UFC1: variants seen among roughly 807,000 people sequenced by gnomAD.
UFC1 encodes ubiquitin-fold modifier conjugating enzyme 1.
In UFC1, 22 loss-of-function variants were observed where a neutral mutation model predicts 28.0. That is an observed-to-expected ratio of 0.78 (90% CI 0.56 to 1.12). UFC1 has a LOEUF of 1.12. Ranked by LOEUF, UFC1 falls within the 50% of genes most tolerant of loss-of-function variation. The pLI, the probability that UFC1 is intolerant of heterozygous loss-of-function variation, is 0.00. For missense variants in UFC1, 189 were observed against 207.8 expected (o/e 0.91, Z 0.56); for synonymous variants, 61 against 74.5 (o/e 0.82, Z 0.93).
chr1:161,154,177 T>A, intron 1 of UFC1, 57 bp downstream of exon 1: 3 of 1,602,426 alleles, frequency 1.9e-6, no homozygotes, highest in Non-Finnish European at 2.6e-6. Flanking sequence ...AAATCAGGTG[T>A]CCTCAATAAT....
intron 1 of UFC1, among the ~76,000 whole-genome samples, chr1:161,156,580 G>T (rs957605201): frequency 6.8e-6 from 1 of 146,690 alleles, no homozygotes; most frequent in East Asian, 2.0e-4. Context: ...AGTGGCTCAC[G>T]CCTGTAATCC....
chr1:161,156,671 G>A (rs373604626), intron 1 of UFC1, among the ~76,000 whole-genome samples: 2 of 150,762 alleles, frequency 1.3e-5, no homozygotes, highest in African/African-American at 4.9e-5. Context: ...GCAAAACCCC[G>A]TCTCTACTAA....
Position 161,158,552 on chromosome 1 carries a change from T to C in UFC1, c.*60T>C. 1 of 1,576,198 alleles carries C rather than the reference T, an allele frequency of 6.3e-7. No homozygotes were observed. Among genetic ancestry groups the C allele is most frequent in the Non-Finnish European group, 8.7e-7 (1 of 1,146,204 alleles). ...TTGATAGGCTACGATACTATTTTCC[T>C]GTGCATCACACTTAACTCATCTAAC... On this transcript the variant is annotated 3_prime_UTR_variant, in exon 6 of 6. Coordinates refer to ENST00000368003, the MANE Select transcript of UFC1 (RefSeq NM_016406.4).
chr1:161,157,826 G>A (rs1657580135), intron 4 of UFC1, 133 bp downstream of exon 4: 1 of 759,798 alleles, frequency 1.3e-6, no homozygotes, highest in Non-Finnish European at 2.3e-6. Flanking sequence ...TGATCTATGT[G>A]TAAATCACCA....
Position 161,154,070 on chromosome 1 carries a change from C to G in UFC1, c.73C>G (p.Arg25Gly). Reference sequence around the variant, plus strand: ...GAAGACTAACGCCGGACCCCGAGATCGTGAGTTGTGGGTGCAGCGACTGAA... The same window carrying G: ...GAAGACTAACGCCGGACCCCGAGATGGTGAGTTGTGGGTGCAGCGACTGAA... Reference protein sequence around the residue: ...VLKTNAGPRDRELWVQRLKEE... With the variant: ...VLKTNAGPRDGELWVQRLKEE... The change falls in exon 1 of 6, where the codon CGT becomes GGT. Residue 25 changes from arginine (R) to glycine (G), a missense_variant. Physicochemically the swap from Arg to Gly is moderately radical, Grantham distance 125. Coordinates refer to ENST00000368003, the MANE Select transcript of UFC1 (RefSeq NM_016406.4). The G allele has an allele frequency of 1.2e-6, 2 of 1,614,038 alleles. No individual in the cohort carries two copies. Among genetic ancestry groups the G allele is most frequent in the Admixed American group, 3.3e-5 (2 of 59,986 alleles).
intron 1 of UFC1, among the ~76,000 whole-genome samples, chr1:161,155,780 A>C (rs1293160375): frequency 6.6e-6 from 1 of 152,240 alleles, no homozygotes. Context: ...GAATGCTCAT[A>C]CTGCCACCTG....
In UFC1 at chr1:161,157,606, A is replaced by C; in HGVS notation, c.256-11A>C. The C allele has an allele frequency of 6.2e-7, 1 of 1,611,328 alleles. No homozygotes were observed. Among genetic ancestry groups the C allele is most frequent in the Non-Finnish European group, 8.5e-7 (1 of 1,177,634 alleles). On this transcript the variant is annotated splice_polypyrimidine_tract_variant and intron_variant, in intron 3 of 5. Coordinates refer to ENST00000368003, the MANE Select transcript of UFC1 (RefSeq NM_016406.4). ...TGATTCTGTTTTATTAAGGTTTTATAATTTCTCCAGATTCCTATCACATAT... is the reference window on the plus strand; with the variant it reads ...TGATTCTGTTTTATTAAGGTTTTATCATTTCTCCAGATTCCTATCACATAT...
At chr1:161,157,214 A>G in intron 2 of UFC1, 40 bp from the exon 3 acceptor site, 1 of 1,613,512 alleles carries the variant, frequency 6.2e-7, no homozygotes. Flanking sequence ...GAGTACTGGA[A>G]GAATAGGCAA....
At chr1:161,157,764 G>A (rs1398286124) in intron 4 of UFC1, 71 bp downstream of exon 4, 11 of 1,301,996 alleles carry the variant, frequency 8.4e-6, no homozygotes, top group African/African-American at 3.0e-5. Context: ...GGGAGGGAGA[G>A]CATCAGGAAG....
At position 161,156,979 on chromosome 1, in the gene UFC1, C is replaced by A. The variant is rs142789001; in HGVS notation, c.153C>A (p.Asn51Lys). Residue 51 changes from asparagine to lysine, a missense_variant, in exon 2 of 6, where the codon AAC becomes AAA. Coordinates refer to ENST00000368003, the MANE Select transcript of UFC1 (RefSeq NM_016406.4). ...RYVENNKNADNDWFRLESNKE... is the reference protein window; with the variant it reads ...RYVENNKNADKDWFRLESNKE... ...TGGAGAACAACAAGAATGCTGACAACGATTGGTTCCGACTGGAGTCCAACA... is the reference window on the plus strand; with the variant it reads ...TGGAGAACAACAAGAATGCTGACAAAGATTGGTTCCGACTGGAGTCCAACA... 1 of 1,614,228 alleles carries A rather than the reference C, an allele frequency of 6.2e-7. No individual in the cohort carries two copies. Among genetic ancestry groups the A allele is most frequent in the Middle Eastern group, 1.6e-4 (1 of 6,062 alleles).
chr1:161,156,799 G>C, intron 1 of UFC1, 151 bp from the exon 2 acceptor site: 1 of 627,326 alleles, frequency 1.6e-6, no homozygotes. Flanking sequence ...CCCAGATTGC[G>C]CCACTGCACT....
chr1:161,158,292 AG>A, intron 5 of UFC1, 81 bp downstream of exon 5: 4 of 1,573,058 alleles, frequency 2.5e-6, no homozygotes, highest in Non-Finnish European at 3.5e-6. Context: ...TAAGAATAAA[AG>A]GAATAACAGT....
In UFC1 at chr1:161,158,748, A is replaced by G; in HGVS notation, c.*256A>G. The G allele has an allele frequency of 4.1e-6, 2 of 491,700 alleles. No homozygotes were observed. The highest frequency in any genetic ancestry group is 4.5e-5 in the South Asian group (2 of 44,544). The allele number at this position is 491,700 out of a possible 1,614,324, so 30.5% of individuals were successfully genotyped here. ...CTAGAGGTAATTTATATCCGCCCCC[A>G]GGTGGAGCAACATGCGATTCTGGAG... is the stretch of plus-strand genomic sequence containing the variant. On this transcript the variant is annotated 3_prime_UTR_variant, in exon 6 of 6. Transcript: ENST00000368003.
At chr1:161,157,449 C>T (rs1277827765) in intron 3 of UFC1, 132 bp downstream of exon 3, 1 of 1,342,874 alleles carries the variant, frequency 7.4e-7, no homozygotes, top group Non-Finnish European at 1.1e-6. Context: ...AGGTTTGAGG[C>T]AAGCATAAGT....
Position 161,158,499 on chromosome 1 carries a change from A to C in UFC1, c.*7A>C. The C allele has an allele frequency of 6.2e-7, 1 of 1,614,202 alleles. No homozygotes were observed. The highest frequency in any genetic ancestry group is 8.5e-7 in the Non-Finnish European group (1 of 1,180,016). ...AGAGAAATGCAACCAATGAAGAATC[A>C]AGCCACTGAGGCAGGGCAGAGGGAC... On this transcript the variant is annotated 3_prime_UTR_variant, in exon 6 of 6. Transcript: ENST00000368003.
chr1:161,157,742 G>A (rs1300348686), intron 4 of UFC1, 49 bp downstream of exon 4: 15 of 1,520,508 alleles, frequency 9.9e-6, no homozygotes, highest in Non-Finnish European at 1.4e-5. Flanking sequence ...CCTTAAGGAA[G>A]AACTTCGTGG....
chr1:161,155,362 G>GT (rs1359077099), intron 1 of UFC1, among the ~76,000 whole-genome samples: 2 of 152,360 alleles, frequency 1.3e-5, no homozygotes, highest in Admixed American at 6.5e-5. Flanking sequence ...CCAGCATGAT[G>GT]TGTTTGAAGA....
intron 5 of UFC1, 84 bp downstream of exon 5, chr1:161,158,295 A>G: frequency 6.4e-7 from 1 of 1,572,530 alleles, no homozygotes; most frequent in South Asian, 1.1e-5. Context: ...GAATAAAAGG[A>G]ATAACAGTGA....
intron 1 of UFC1, among the ~76,000 whole-genome samples, chr1:161,155,837 T>C (rs554312659): frequency 2.0e-5 from 3 of 152,162 alleles, no homozygotes; most frequent in Admixed American, 6.6e-5. Flanking sequence ...TCCAAAGGAA[T>C]ATAAAAAATT....
Sources: allele counts gnomAD v4.1 joint callset (sites outside exome capture counted in the v4.1 genomes callset), GRCh38; gene constraint gnomAD v4.1.1; transcripts MANE v1.5; gene names NCBI Gene and HGNC (gene_info 2026-07-23, HGNC 2026-07-21).